Variants in ACACA observed in about 807,000 individuals in gnomAD.
The protein encoded by ACACA is acetyl-CoA carboxylase 1.
In ACACA, 103 loss-of-function variants were observed where a neutral mutation model predicts 296.1. The ratio of observed to expected loss-of-function variants is 0.35; its 90% CI spans 0.30 to 0.41. The LOEUF (loss-of-function observed/expected upper bound fraction) is 0.41, where lower values mean the gene tolerates loss of function less well. Ranked by LOEUF, ACACA falls within the 10% of genes least tolerant of loss-of-function variation. ACACA has a pLI of 1.00. For missense variants in ACACA, 1,554 were observed against 2,989.7 expected, an observed-to-expected ratio of 0.52 and a Z score of 11.20; for synonymous variants, 953 against 1,038.6, an observed-to-expected ratio of 0.92 and a Z score of 1.58.
chr17:37,115,814 A>T (rs992941265), intron 50 of ACACA, among the ~76,000 whole-genome samples: 1 of 152,222 alleles, frequency 6.6e-6, no homozygotes, highest in Non-Finnish European at 1.5e-5. Flanking sequence ...ACCAGGGAAC[A>T]TGATTATATA....
intron 1 of ACACA, among the ~76,000 whole-genome samples, chr17:37,363,179 CTTTTTTTTTTTTTTT>C (rs902746004): frequency 2.7e-5 from 2 of 72,850 alleles, no homozygotes; most frequent in Non-Finnish European, 4.7e-5. Flanking sequence ...TTCTCTTTTT[CTTTTTTTTTTTTTTT>C]TTTTTTTTGA....
chr17:37,131,012 G>C (rs2143472103), intron 45 of ACACA, among the ~76,000 whole-genome samples: 1 of 150,848 alleles, frequency 6.6e-6, no homozygotes, highest in South Asian at 2.2e-4. Flanking sequence ...AAGCCCTAAA[G>C]CTAGCAAAAA....
intron 35 of ACACA, among the ~76,000 whole-genome samples, chr17:37,197,247 T>C (rs1598143745): frequency 6.6e-6 from 1 of 152,208 alleles, no homozygotes; most frequent in Non-Finnish European, 1.5e-5. Flanking sequence ...CACAGCTCTC[T>C]AGCAACCTCT....
intron 42 of ACACA, among the ~76,000 whole-genome samples, chr17:37,156,772 C>T (rs530972304): frequency 8.7e-4 from 132 of 152,172 alleles, no homozygotes; most frequent in Non-Finnish European, 1.6e-3. Flanking sequence ...TAAGTAAACA[C>T]AGGGAAGCAT....
In ACACA at chr17:37,206,880, C is replaced by T; in HGVS notation, c.3852-1G>A. On this transcript the variant is annotated splice_acceptor_variant, in intron 31 of 55. Transcript: ENST00000616317. LOFTEE classifies it high-confidence loss of function. The stretch of plus-strand genomic sequence containing the variant: ...GCAGCCCATCACTTCATCAAAGATC[C>T]TAAAAAATACAAGAGAAACACCCAC... The T allele has an allele frequency of 6.2e-7, 1 of 1,610,908 alleles. No individual in the cohort carries two copies. Among genetic ancestry groups the T allele is most frequent in the Non-Finnish European group, 8.5e-7 (1 of 1,177,162 alleles).
At chr17:37,403,255 G>A (rs781519503) in intron 1 of ACACA, among the ~76,000 whole-genome samples, 16 of 152,084 alleles carry the variant, frequency 1.1e-4, no homozygotes, top group African/African-American at 1.4e-4. Context: ...TCAGCTGGTC[G>A]TGTAAGTGAT....
In ACACA at chr17:37,122,523, T is replaced by C. The variant is rs2074577144; in HGVS notation, c.6138+8A>G. ...AGCACAGCCCCCAGTGTACTTGAGG[T>C]GGCCTACCTTGGCTTCAGAATCCAG... On this transcript the variant is annotated splice_region_variant and intron_variant, in intron 49 of 55. Transcript: ENST00000616317. 2.5e-6 allele frequency: 4 copies of C among 1,612,890 alleles called. No homozygotes were observed. The South Asian group carries it at 3.3e-5, about 13-fold the overall frequency.
At chr17:37,317,687 A>T (rs563602053) in intron 3 of ACACA, among the ~76,000 whole-genome samples, 1 of 152,210 alleles carries the variant, frequency 6.6e-6, no homozygotes, top group African/African-American at 2.4e-5. Context: ...GAAAGAAAAG[A>T]GGGGGAAATG....
intron 1 of ACACA, among the ~76,000 whole-genome samples, chr17:37,366,659 G>A (rs2049616478): frequency 1.3e-5 from 2 of 151,952 alleles, no homozygotes; most frequent in Admixed American, 1.3e-4. Flanking sequence ...AGTAGAGACA[G>A]GGTTTCACCA....
intron 45 of ACACA, among the ~76,000 whole-genome samples, chr17:37,133,865 T>C (rs2075216258): frequency 6.6e-6 from 1 of 152,186 alleles, no homozygotes; most frequent in Non-Finnish European, 1.5e-5. Context: ...GGAGAAGCAG[T>C]ACCATGCAAT....
At chr17:37,263,570 T>C (rs954268843) in intron 11 of ACACA, 115 bp downstream of exon 11, 1 of 917,990 alleles carries the variant, frequency 1.1e-6, no homozygotes, top group Non-Finnish European at 1.7e-6. Flanking sequence ...GGATATAATT[T>C]TATTAATTAT....
At chr17:37,400,901 T>C (rs1004682484) in intron 1 of ACACA, among the ~76,000 whole-genome samples, 14 of 152,204 alleles carry the variant, frequency 9.2e-5, no homozygotes, top group African/African-American at 2.9e-4. Context: ...TTCCTTTGGA[T>C]ATATACCCAG....
intron 41 of ACACA, among the ~76,000 whole-genome samples, chr17:37,166,320 G>T (rs1017195070): frequency 6.6e-6 from 1 of 151,262 alleles, no homozygotes; most frequent in Non-Finnish European, 1.5e-5. Context: ...TTTATTTTTT[G>T]TAGAGATGGG....
At chr17:37,255,652 T>C (rs927669293) in intron 14 of ACACA, among the ~76,000 whole-genome samples, 1 of 152,160 alleles carries the variant, frequency 6.6e-6, no homozygotes, top group Non-Finnish European at 1.5e-5. Flanking sequence ...CATAAATGAG[T>C]GAGGCAGACT....
intron 42 of ACACA, chr17:37,161,505 G>A: frequency 1.9e-6 from 1 of 513,974 alleles, no homozygotes; most frequent in South Asian, 2.7e-5. Context: ...GATTTAGCAT[G>A]TCTCGCACTA....
At chr17:37,263,558 A>C (rs1339029472) in intron 11 of ACACA, 127 bp downstream of exon 11, 2 of 849,842 alleles carry the variant, frequency 2.4e-6, no homozygotes, top group Non-Finnish European at 3.8e-6. Flanking sequence ...TCTCTAAGAA[A>C]AGGATATAAT....
chr17:37,281,334 C>T (rs929287285), intron 5 of ACACA, among the ~76,000 whole-genome samples: 2 of 152,110 alleles, frequency 1.3e-5, no homozygotes, highest in African/African-American at 2.4e-5. Flanking sequence ...GCTGGGATTA[C>T]AGGCATGAGC....
At chr17:37,338,055 C>T (rs991386411) in intron 2 of ACACA, among the ~76,000 whole-genome samples, 1 of 151,438 alleles carries the variant, frequency 6.6e-6, no homozygotes, top group African/African-American at 2.4e-5. Flanking sequence ...AGAGATCACG[C>T]CACTGCACTC....
intron 29 of ACACA, among the ~76,000 whole-genome samples, chr17:37,214,887 CT>C (rs1440773825): frequency 6.6e-6 from 1 of 152,222 alleles, no homozygotes; most frequent in Non-Finnish European, 1.5e-5. Flanking sequence ...TGGATGACTT[CT>C]GAGTATCTCA....
Sources: gnomAD v4.1 joint callset for allele counts (sites outside exome capture counted in the v4.1 genomes callset) on GRCh38, gnomAD v4.1.1 for gene constraint, MANE v1.5 for transcripts, NCBI Gene and HGNC (gene_info 2026-07-23, HGNC 2026-07-21) for gene names.